The following CYP2C19 variants were observed in gnomAD, a reference collection of about 807,000 sequenced individuals.
CYP2C19 encodes the protein cytochrome P450 family 2 subfamily C member 19, also known as cytochrome P450 2C19.
CYP2C19 carries 59 observed loss-of-function variants against 40.9 expected under a neutral mutation model. That is an observed-to-expected ratio of 1.44 (90% CI 1.17 to 1.79). CYP2C19 has a LOEUF of 1.79. Among genes scored for constraint, CYP2C19 ranks in the 40% most tolerant of loss-of-function variants. The pLI, the probability that CYP2C19 is intolerant of heterozygous loss-of-function variation, is 0.00. For synonymous variants in CYP2C19, 253 were observed against 208.7 expected (o/e 1.21, Z -1.83); for missense variants, 754 against 596.9 (o/e 1.26, Z -2.74).
rs1368744644 is a variant in CYP2C19 at position 94,775,408 on chromosome 10, G to C, written c.350G>C (p.Gly117Ala). The C allele has an allele frequency of 1.2e-6, 2 of 1,613,938 alleles. No homozygotes were observed. Among genetic ancestry groups the C allele is most frequent in the Admixed American group, 1.7e-5 (1 of 60,006 alleles). Residue 117 changes from glycine to alanine, a missense_variant, in exon 3 of 9, where the codon GGA (glycine) becomes GCA (alanine). Physicochemically the swap from Gly to Ala is moderately conservative, Grantham distance 60 (BLOSUM62 0). Transcript: ENST00000371321. ...CTGTTAGGAATCGTTTTCAGCAATG[G>C]AAAGAGATGGAAGGAGATCCGGCGT... ...NRGFGIVFSN[G>A]KRWKEIRRFS...
intron 7 of CYP2C19, among the ~76,000 whole-genome samples, chr10:94,845,368 A>G (rs1205181508): frequency 1.3e-5 from 2 of 152,186 alleles, no homozygotes; most frequent in African/African-American, 4.8e-5. Context: ...CAAAAATATT[A>G]TTTATTTGCA....
chr10:94,820,502 C>CA lies in CYP2C19; in HGVS notation c.830dup (p.Asn277LysfsTer5), dbSNP rs772230916. 1 of 1,614,084 alleles carries CA rather than the reference C, an allele frequency of 6.2e-7. No individual in the cohort carries two copies. Among genetic ancestry groups the CA allele is most frequent in the Non-Finnish European group, 8.5e-7 (1 of 1,179,996 alleles). On this transcript the variant is annotated frameshift_variant, in exon 6 of 9. Coordinates refer to ENST00000371321, the MANE Select transcript of CYP2C19 (RefSeq NM_000769.4). LOFTEE classifies it high-confidence loss of function. ...TGCATCAAATCATTCCTAGGAAAAG[C>CA]AAAACCAACAGTCTGAATTCACTAT...
At chr10:94,774,901 T>C (rs991212787) in intron 1 of CYP2C19, 157 bp from the exon 2 acceptor site, 1 of 793,038 alleles carries the variant, frequency 1.3e-6, no homozygotes, top group Admixed American at 2.9e-5. Context: ...GCAAGTATAA[T>C]AATCATCATC....
At chr10:94,822,907 A>C (rs1410171820) in intron 6 of CYP2C19, among the ~76,000 whole-genome samples, 1 of 148,516 alleles carries the variant, frequency 6.7e-6, no homozygotes, top group African/African-American at 2.5e-5. Context: ...ATGTCCTTTC[A>C]CCATTTCTAA....
In CYP2C19 at chr10:94,842,904, C is replaced by T; in HGVS notation, c.1029C>T (p.Gly343=). The T allele has an allele frequency of 2.5e-6, 4 of 1,614,168 alleles. No homozygotes were observed. Among genetic ancestry groups the T allele is most frequent in the Non-Finnish European group, 3.4e-6 (4 of 1,180,010 alleles). The change falls in exon 7 of 9, where the codon GGC becomes GGT. Residue 343 remains glycine, a synonymous_variant. Transcript: ENST00000371321. ...RNRSPCMQDR[G]HMPYTDAVVH... ...GGAGCCCCTGCATGCAGGACAGGGGCCACATGCCCTACACAGATGCTGTGG... is the reference window on the plus strand; with the variant it reads ...GGAGCCCCTGCATGCAGGACAGGGGTCACATGCCCTACACAGATGCTGTGG...
At chr10:94,784,894 T>C (rs1304597749) in intron 5 of CYP2C19, among the ~76,000 whole-genome samples, 4 of 152,202 alleles carry the variant, frequency 2.6e-5, no homozygotes, top group Non-Finnish European at 4.4e-5. Context: ...CCAGCTCTCA[T>C]TGTGGTTTTA....
At chr10:94,791,551 T>C (rs1418359283) in intron 5 of CYP2C19, among the ~76,000 whole-genome samples, 1 of 152,182 alleles carries the variant, frequency 6.6e-6, no homozygotes, top group African/African-American at 2.4e-5. Context: ...GTCCCAGAAA[T>C]TCTGGTGTGT....
intron 7 of CYP2C19, among the ~76,000 whole-genome samples, chr10:94,846,409 C>A (rs140725187): frequency 6.6e-6 from 1 of 152,180 alleles, no homozygotes; most frequent in Non-Finnish European, 1.5e-5. Flanking sequence ...TATGCTATTA[C>A]TGGTTATGCT....
intron 8 of CYP2C19, among the ~76,000 whole-genome samples, chr10:94,851,321 A>G (rs1849650682): frequency 6.6e-6 from 1 of 150,934 alleles, no homozygotes; most frequent in Non-Finnish European, 1.5e-5. Context: ...TCATGAGAAC[A>G]GCAAGTGAGA....
intron 5 of CYP2C19, among the ~76,000 whole-genome samples, chr10:94,806,206 T>C (rs1387974582): frequency 6.6e-6 from 1 of 152,214 alleles, no homozygotes; most frequent in Non-Finnish European, 1.5e-5. Context: ...GTTCTCAGGG[T>C]TCATTCATGT....
chr10:94,812,445 C>T (rs372552944), intron 5 of CYP2C19, among the ~76,000 whole-genome samples: 15 of 151,986 alleles, frequency 9.9e-5, no homozygotes, highest in African/African-American at 2.9e-4. Flanking sequence ...TGGAAGTTCT[C>T]CTGGATAATA....
Position 94,854,711 on chromosome 10 carries a change from G to A in CYP2C19, c.*1797G>A, listed in dbSNP as rs181458435. The stretch of plus-strand genomic sequence containing the variant: ...TATAACTTATGCACACATACATATA[G>A]GGTTAAATGTTTATTTACAATATTG... On this transcript the variant is annotated 3_prime_UTR_variant, in exon 9 of 9. Transcript: ENST00000371321. 4.3e-4 allele frequency among the ~76,000 whole-genome samples: 66 copies of A among 152,048 alleles called. No homozygotes were observed. The highest frequency in any genetic ancestry group is 1.5e-3 in the African/African-American group (63 of 41,490).
chr10:94,773,765 G>GTTACAGCTCATA (rs1848367453), intron 1 of CYP2C19: 1 of 152,262 alleles, frequency 6.6e-6, no homozygotes, highest in Admixed American at 6.5e-5. Context: ...TAAAGGTAGT[G>GTTACAGCTCATA]AAGACCCAAA....
chr10:94,854,004 A>G lies in CYP2C19; in HGVS notation c.*1090A>G, dbSNP rs375305970. On this transcript the variant is annotated 3_prime_UTR_variant, in exon 9 of 9. Transcript: ENST00000371321. ...GTCATGCTTCTCTCTTCAAACATGA[A>G]CAAAATTTCTTTTCTTTTTTCTTTT... Among the ~76,000 whole-genome samples the G allele has an allele frequency of 5.3e-5, 8 of 151,982 alleles. No individual in the cohort carries two copies. Among genetic ancestry groups the G allele is most frequent in the African/African-American group, 1.7e-4 (7 of 41,494 alleles).
chr10:94,787,373 C>T (rs1303616365), intron 5 of CYP2C19, among the ~76,000 whole-genome samples: 1 of 151,920 alleles, frequency 6.6e-6, no homozygotes, highest in Non-Finnish European at 1.5e-5. Context: ...TGTCTAAGTA[C>T]CTTATAGATT....
chr10:94,842,786 A>C (rs999623307), intron 6 of CYP2C19, 51 bp from the exon 7 acceptor site: 6 of 1,589,282 alleles, frequency 3.8e-6, no homozygotes, highest in African/African-American at 2.7e-5. Flanking sequence ...TTGCTAGAAC[A>C]AATGTTCCAT....
At chr10:94,772,857 C>T (rs1848354082) in intron 1 of CYP2C19, among the ~76,000 whole-genome samples, 1 of 152,218 alleles carries the variant, frequency 6.6e-6, no homozygotes, top group Non-Finnish European at 1.5e-5. Flanking sequence ...CCTTGGCTCG[C>T]TGCAAGCTCC....
rs768868902 is a variant in CYP2C19, at chr10:94,852,924, G to T, written c.*10G>T. 21 of 1,613,738 alleles carry T rather than the reference G, an allele frequency of 1.3e-5. No individual in the cohort carries two copies. The Admixed American group carries it at 3.5e-4, about 27-fold the overall frequency. On this transcript the variant is annotated 3_prime_UTR_variant, in exon 9 of 9. Coordinates refer to ENST00000371321, the MANE Select transcript of CYP2C19 (RefSeq NM_000769.4). ...CTTCATTCCTGTCTGAAGAAGCACAGATGGTCTGGCTGCTCCTGTGCTGTC... is the reference window on the plus strand; with the variant it reads ...CTTCATTCCTGTCTGAAGAAGCACATATGGTCTGGCTGCTCCTGTGCTGTC...
At chr10:94,767,102 C>G (rs956741648) in intron 1 of CYP2C19, among the ~76,000 whole-genome samples, 1 of 152,148 alleles carries the variant, frequency 6.6e-6, no homozygotes, top group Non-Finnish European at 1.5e-5. Flanking sequence ...GCCATCCATA[C>G]AGCATTTCAT....
Sources: gnomAD v4.1 joint callset for allele counts (sites outside exome capture counted in the v4.1 genomes callset) on GRCh38, gnomAD v4.1.1 for gene constraint, MANE v1.5 for transcripts, NCBI Gene and HGNC (gene_info 2026-07-23, HGNC 2026-07-21) for gene names.